Variants in KSR1 observed in about 807,000 individuals in gnomAD.
KSR1 encodes the protein kinase suppressor of ras 1.
A neutral mutation model predicts 92.9 loss-of-function variants in KSR1; 35 were observed. The observed-to-expected ratio is 0.38, with a 90% CI of 0.29 to 0.50. The LOEUF (loss-of-function observed/expected upper bound fraction) is 0.50, where lower values mean the gene tolerates loss of function less well. Ranked by LOEUF, KSR1 falls within the 20% of genes least tolerant of loss-of-function variation. The pLI, the probability that KSR1 is intolerant of heterozygous loss-of-function variation, is 0.94. For missense variants in KSR1, 972 were observed against 1,158.5 expected, an observed-to-expected ratio of 0.84 and a Z score of 2.34; for synonymous variants, 467 against 472.6, an observed-to-expected ratio of 0.99 and a Z score of 0.15.
intron 2 of KSR1, among the ~76,000 whole-genome samples, chr17:27,561,475 G>A (rs1232344219): frequency 3.3e-5 from 5 of 152,210 alleles, no homozygotes; most frequent in Non-Finnish European, 4.4e-5. Context: ...GATGCTTACA[G>A]CTAGTGTGAT....
At chr17:27,609,977 C>T in intron 16 of KSR1, 90 bp from the exon 17 acceptor site, 1 of 1,532,602 alleles carries the variant, frequency 6.5e-7, no homozygotes, top group East Asian at 2.3e-5. Context: ...TGTGGGTGTT[C>T]TGCCGGCCCT....
rs758139547 is a variant in KSR1, at chr17:27,550,714, C to G, written c.372+6C>G. ...TGAGGCCGGAGGTGGTGCAGGTATG[C>G]AAGCTGGTTCTCAGCATAGGGATAG... is the stretch of plus-strand genomic sequence containing the variant. On this transcript the variant is annotated splice_donor_region_variant and intron_variant, in intron 2 of 20. Coordinates refer to ENST00000644974, the MANE Select transcript of KSR1 (RefSeq NM_001394583.1). 2.6e-6 allele frequency: 2 copies of G among 762,256 alleles called. No individual in the cohort carries two copies. Among genetic ancestry groups the G allele is most frequent in the Non-Finnish European group, 2.4e-6 (1 of 416,888 alleles). 47.2% of individuals were successfully genotyped at this position (762,256 alleles called of 1,614,324 possible). A position where few individuals can be genotyped will look rare whatever the true frequency, so the allele number is the denominator to read the frequency against.
intron 1 of KSR1, among the ~76,000 whole-genome samples, chr17:27,527,437 C>T (rs2070357468): frequency 7.8e-6 from 1 of 127,770 alleles, no homozygotes; most frequent in Non-Finnish European, 1.6e-5. Flanking sequence ...AAGTCTTGCT[C>T]TGTCACCTAG....
At chr17:27,456,935 C>A in intron 1 of KSR1, 61 bp downstream of exon 1, 4 of 742,192 alleles carry the variant, frequency 5.4e-6, no homozygotes, top group South Asian at 1.4e-5. Context: ...CCCTCCGGGC[C>A]CCAGTACTCC....
chr17:27,526,731 G>A lies in KSR1; in HGVS notation c.232-23837G>A, dbSNP rs552052287. ...GGTTCAGGTTGAGAGGTCCTCTCAC[G>A]TGTTGGAAAACGTATGAACTCTTTC... On this transcript the variant is annotated intron_variant, in intron 1 of 20. Transcript: ENST00000644974. 2,169 of 1,292,052 alleles carry A rather than the reference G, an allele frequency of 1.7e-3. 6 individuals carry two copies. The highest frequency in any genetic ancestry group is 2.2e-3 in the Non-Finnish European group (1,994 of 896,964). The allele number at this position is 1,292,052 out of a possible 1,614,324, so 80.0% of individuals were successfully genotyped here.
At chr17:27,457,273 T>G (rs533472175) in intron 1 of KSR1, among the ~76,000 whole-genome samples, 26 of 151,696 alleles carry the variant, frequency 1.7e-4, no homozygotes, top group Non-Finnish European at 3.2e-4. Flanking sequence ...ACGGAGGAGG[T>G]TCCCCTGAAG....
At chr17:27,538,693 G>T (rs763321185) in intron 1 of KSR1, among the ~76,000 whole-genome samples, 14 of 152,326 alleles carry the variant, frequency 9.2e-5, no homozygotes, top group Middle Eastern at 3.4e-3. Flanking sequence ...GGTCCTGTGG[G>T]CAAGGGAGAA....
At chr17:27,604,763 C>T in intron 13 of KSR1, 35 bp downstream of exon 13, 1 of 1,610,574 alleles carries the variant, frequency 6.2e-7, no homozygotes, top group Non-Finnish European at 8.5e-7. Flanking sequence ...CAGATGGCCC[C>T]CCCTCTTTTT....
intron 1 of KSR1, among the ~76,000 whole-genome samples, chr17:27,497,982 T>G (rs2069047905): frequency 6.6e-6 from 1 of 152,214 alleles, no homozygotes; most frequent in African/African-American, 2.4e-5. Flanking sequence ...GAGGAGTGTG[T>G]GTGCATGTGC....
At chr17:27,623,087 G>C in intron 20 of KSR1, 1 of 589,486 alleles carries the variant, frequency 1.7e-6, no homozygotes, top group Non-Finnish European at 3.0e-6. Context: ...GGGACTTGGA[G>C]ATGAATGAGC....
At chr17:27,534,610 G>GC (rs1169303030) in intron 1 of KSR1, among the ~76,000 whole-genome samples, 1 of 152,192 alleles carries the variant, frequency 6.6e-6, no homozygotes, top group Non-Finnish European at 1.5e-5. Context: ...TCACTATACT[G>GC]CCCCTGGCTG....
rs1029448537 is a variant in KSR1, at chr17:27,550,600, G to A, written c.264G>A (p.Arg88=). ...AKLVRYICKQ[R]QCKLSVAPGE... ...TGGTCCGTTACATTTGTAAGCAGAG[G>A]CAGTGCAAGCTGAGCGTGGCTCCCG... Residue 88 remains arginine, a synonymous_variant, in exon 2 of 21, where the codon AGG becomes AGA. Transcript: ENST00000644974. 1.3e-6 allele frequency: 1 copy of A among 764,956 alleles called. No homozygotes were observed. The allele number at this position is 764,956 out of a possible 1,614,324, so 47.4% of individuals were successfully genotyped here.
intron 19 of KSR1, among the ~76,000 whole-genome samples, chr17:27,619,874 G>A (rs943101875): frequency 6.6e-6 from 1 of 152,098 alleles, no homozygotes; most frequent in Non-Finnish European, 1.5e-5. Flanking sequence ...CACCACACCT[G>A]GCTAATTTTT....
intron 1 of KSR1, among the ~76,000 whole-genome samples, chr17:27,528,257 G>C (rs1050532558): frequency 6.6e-6 from 1 of 151,902 alleles, no homozygotes; most frequent in African/African-American, 2.4e-5. Context: ...AGTAGAGAGA[G>C]GGTGTCACCA....
intron 1 of KSR1, among the ~76,000 whole-genome samples, chr17:27,479,209 C>T (rs541386085): frequency 5.9e-5 from 9 of 151,434 alleles, no homozygotes; most frequent in Admixed American, 5.2e-4. Context: ...TCCCTCCATC[C>T]ATGCTCCTCC....
chr17:27,546,031 G>A (rs554154724), intron 1 of KSR1, among the ~76,000 whole-genome samples: 1 of 152,352 alleles, frequency 6.6e-6, no homozygotes, highest in East Asian at 1.9e-4. Flanking sequence ...GACCTCTCCA[G>A]TTAATGTGGA....
At chr17:27,494,018 G>A (rs2068903917) in intron 1 of KSR1, among the ~76,000 whole-genome samples, 1 of 152,122 alleles carries the variant, frequency 6.6e-6, no homozygotes, top group South Asian at 2.1e-4. Flanking sequence ...CGCTGAGGTG[G>A]TTTGTAGCAG....
chr17:27,558,085 G>A (rs992325636), intron 2 of KSR1: 1 of 152,572 alleles, frequency 6.6e-6, no homozygotes, highest in African/African-American at 2.4e-5. Flanking sequence ...GTTACTGAGA[G>A]ATGGGAGTTT....
intron 2 of KSR1, among the ~76,000 whole-genome samples, chr17:27,563,949 A>AT (rs939408071): frequency 9.9e-5 from 6 of 60,322 alleles, no homozygotes; most frequent in Non-Finnish European, 1.8e-4. Flanking sequence ...TATTTTAGCT[A>AT]TTTTTTTATT....
Sources: gnomAD v4.1 joint callset for allele counts (sites outside exome capture counted in the v4.1 genomes callset) on GRCh38, gnomAD v4.1.1 for gene constraint, MANE v1.5 for transcripts, NCBI Gene and HGNC (gene_info 2026-07-23, HGNC 2026-07-21) for gene names.